The following FAM81A variants were observed in gnomAD, a reference collection of about 807,000 sequenced individuals.
The protein encoded by FAM81A is family with sequence similarity 81 member A, also known as protein FAM81A.
FAM81A carries 19 observed loss-of-function variants against 46.7 expected under a neutral mutation model. The observed-to-expected ratio is 0.41, with a 90% CI of 0.28 to 0.60. FAM81A has a LOEUF of 0.60. Among genes scored for constraint, FAM81A ranks in the 20% least tolerant of loss-of-function variants. The pLI is 0.34. For synonymous variants in FAM81A, 183 were observed against 152.9 expected (o/e 1.20, Z -1.45); for missense variants, 377 against 453.5 (o/e 0.83, Z 1.53).
intron 4 of FAM81A, among the ~76,000 whole-genome samples, chr15:59,498,440 T>G (rs1737614862): frequency 6.6e-6 from 1 of 152,214 alleles, no homozygotes; most frequent in Non-Finnish European, 1.5e-5. Flanking sequence ...TTAAAAGGAT[T>G]TTCTACATAC....
intron 4 of FAM81A, among the ~76,000 whole-genome samples, chr15:59,502,401 A>G (rs1221846994): frequency 6.6e-6 from 1 of 151,392 alleles, no homozygotes; most frequent in Non-Finnish European, 1.5e-5. Flanking sequence ...TCATTGTTCA[A>G]TTCCCACCTA....
At chr15:59,402,051 C>A in intron 1 of FAM81A, 1 of 544,464 alleles carries the variant, frequency 1.8e-6, no homozygotes. Flanking sequence ...GTGCGAAAAA[C>A]GCTCTCAATT....
At chr15:59,501,354 C>G (rs2082088606) in intron 4 of FAM81A, among the ~76,000 whole-genome samples, 1 of 152,144 alleles carries the variant, frequency 6.6e-6, no homozygotes, top group Non-Finnish European at 1.5e-5. Context: ...TTAGGCTCCA[C>G]TAATTGCTAG....
intron 3 of FAM81A, among the ~76,000 whole-genome samples, chr15:59,471,689 C>G (rs1460518992): frequency 6.6e-6 from 1 of 150,750 alleles, no homozygotes; most frequent in African/African-American, 2.4e-5. Flanking sequence ...GCCTCTGCCT[C>G]TGCCTCCCAA....
intron 3 of FAM81A, among the ~76,000 whole-genome samples, chr15:59,491,833 G>A (rs546909335): frequency 6.6e-6 from 1 of 152,126 alleles, no homozygotes; most frequent in African/African-American, 2.4e-5. Context: ...AGGTGTGATG[G>A]CACATGCCTG....
chr15:59,518,197 T>A (rs1180600784), intron 8 of FAM81A, among the ~76,000 whole-genome samples: 1 of 151,472 alleles, frequency 6.6e-6, no homozygotes, highest in Non-Finnish European at 1.5e-5. Context: ...AGGCTAGTCT[T>A]GAACCCCCAA....
At chr15:59,417,691 G>A (rs1390723482) in intron 2 of FAM81A, among the ~76,000 whole-genome samples, 1 of 151,986 alleles carries the variant, frequency 6.6e-6, no homozygotes, top group Non-Finnish European at 1.5e-5. Flanking sequence ...CTCCAGCCTG[G>A]GCAACAGAGT....
chr15:59,503,782 G>C (rs745972919), intron 4 of FAM81A, among the ~76,000 whole-genome samples: 12 of 151,958 alleles, frequency 7.9e-5, no homozygotes, highest in Non-Finnish European at 1.8e-4. Flanking sequence ...CATGTTGGCC[G>C]GGCTGGTCTC....
chr15:59,459,341 C>T (rs1187848242), intron 2 of FAM81A, among the ~76,000 whole-genome samples: 2 of 152,114 alleles, frequency 1.3e-5, no homozygotes, highest in African/African-American at 4.8e-5. Flanking sequence ...TAAAATCAAG[C>T]GATTTCACAT....
intron 1 of FAM81A, among the ~76,000 whole-genome samples, chr15:59,448,526 A>AAGAT (rs200744810): frequency 7.1e-6 from 1 of 141,176 alleles, no homozygotes; most frequent in East Asian, 2.1e-4. Flanking sequence ...AATGTTTAGT[A>AAGAT]AGATAGATAG....
intron 4 of FAM81A, among the ~76,000 whole-genome samples, chr15:59,496,399 G>A (rs561323265): frequency 1.3e-5 from 2 of 152,286 alleles, no homozygotes; most frequent in East Asian, 3.9e-4. Context: ...GAGGTCAGGA[G>A]TTCAAGACCA....
At chr15:59,464,703 C>G (rs1323707652) in intron 3 of FAM81A, among the ~76,000 whole-genome samples, 1 of 152,184 alleles carries the variant, frequency 6.6e-6, no homozygotes, top group Non-Finnish European at 1.5e-5. Flanking sequence ...CTTCTGTATT[C>G]TGGATATTAA....
chr15:59,499,648 T>C (rs1207609785), intron 4 of FAM81A, among the ~76,000 whole-genome samples: 1 of 152,126 alleles, frequency 6.6e-6, no homozygotes, highest in African/African-American at 2.4e-5. Context: ...TTTGCCTTAT[T>C]TTTTTGAAAA....
At chr15:59,451,456 T>G (rs899370258) in intron 1 of FAM81A, among the ~76,000 whole-genome samples, 13 of 143,078 alleles carry the variant, frequency 9.1e-5, no homozygotes, top group African/African-American at 2.8e-4. Context: ...ACCAATAATT[T>G]TTTTTTTTTT....
intron 4 of FAM81A, among the ~76,000 whole-genome samples, chr15:59,500,625 A>C (rs1221035354): frequency 2.0e-5 from 3 of 150,990 alleles, no homozygotes; most frequent in Non-Finnish European, 4.4e-5. Flanking sequence ...TATTCTCATT[A>C]TGCATATGTT....
intron 3 of FAM81A, among the ~76,000 whole-genome samples, chr15:59,479,464 T>C (rs2081818887): frequency 7.0e-6 from 1 of 143,010 alleles, no homozygotes; most frequent in Non-Finnish European, 1.5e-5. Context: ...TGAGCTGAGA[T>C]TGTGCCATTG....
chr15:59,446,720 T>C (rs555329098), intron 1 of FAM81A: 2 of 152,350 alleles, frequency 1.3e-5, no homozygotes, highest in African/African-American at 4.8e-5. Flanking sequence ...TTTGGAATAC[T>C]GTGCTGGCAT....
chr15:59,433,140 CAAAAA>C (rs552850890), intron 2 of FAM81A, among the ~76,000 whole-genome samples: 5 of 42,424 alleles, frequency 1.2e-4, no homozygotes, highest in African/African-American at 4.3e-4. Flanking sequence ...GACTCCGTCT[CAAAAA>C]AAAAAAAAAA....
chr15:59,408,388 G>A (rs1358608252), intron 2 of FAM81A, among the ~76,000 whole-genome samples: 1 of 152,014 alleles, frequency 6.6e-6, no homozygotes, highest in East Asian at 1.9e-4. Flanking sequence ...TAATTTCAAG[G>A]ATGGCTCCAT....
Sources: allele counts gnomAD v4.1 joint callset (sites outside exome capture counted in the v4.1 genomes callset), GRCh38; gene constraint gnomAD v4.1.1; transcripts MANE v1.5; gene names NCBI Gene and HGNC (gene_info 2026-07-23, HGNC 2026-07-21).